SIK3: variants seen among roughly 807,000 people sequenced by gnomAD.
The protein encoded by SIK3 is serine/threonine-protein kinase SIK3.
SIK3 carries 28 observed loss-of-function variants against 144.2 expected under a neutral mutation model. That is an observed-to-expected ratio of 0.19 (90% CI 0.14 to 0.27). The LOEUF (loss-of-function observed/expected upper bound fraction) is 0.27, where lower values mean the gene tolerates loss of function less well. Among genes scored for constraint, SIK3 ranks in the 10% least tolerant of loss-of-function variants. The probability of loss-of-function intolerance (pLI) is 1.00; values close to 1 mark genes in which losing one functional copy is unlikely to be tolerated. For missense variants in SIK3, 1,319 were observed against 1,776.0 expected, an observed-to-expected ratio of 0.74 and a Z score of 4.62; for synonymous variants, 686 against 676.3, an observed-to-expected ratio of 1.01 and a Z score of -0.22.
At chr11:116,950,145 C>T in intron 3 of SIK3, 1 of 470,902 alleles carries the variant, frequency 2.1e-6, no homozygotes, top group South Asian at 1.5e-5. Flanking sequence ...GATCAAGTTC[C>T]ACAAGTGGGG....
At chr11:116,864,774 G>C (rs1943542654) in intron 15 of SIK3, 1 of 152,264 alleles carries the variant, frequency 6.6e-6, no homozygotes, top group Admixed American at 6.5e-5. Context: ...CTGAACTTTG[G>C]ATGAAATGAT....
chr11:116,953,546 G>A (rs903327851), intron 3 of SIK3, among the ~76,000 whole-genome samples: 11 of 152,202 alleles, frequency 7.2e-5, no homozygotes, highest in African/African-American at 2.7e-4. Flanking sequence ...ACTGAAGGCA[G>A]AACCCCCAAA....
At chr11:116,885,191 G>A (rs1249312891) in intron 6 of SIK3, among the ~76,000 whole-genome samples, 3 of 152,200 alleles carry the variant, frequency 2.0e-5, no homozygotes, top group Admixed American at 2.0e-4. Context: ...GCCATAGGGA[G>A]ATGGCCTGGA....
At chr11:117,071,436 T>C (rs1237384696) in intron 1 of SIK3, among the ~76,000 whole-genome samples, 2 of 151,798 alleles carry the variant, frequency 1.3e-5, no homozygotes, top group Admixed American at 6.6e-5. Context: ...TAAGTAACAC[T>C]AGGATAAACT....
intron 1 of SIK3, among the ~76,000 whole-genome samples, chr11:117,092,460 GC>G (rs759814994): frequency 4.0e-5 from 6 of 151,886 alleles, no homozygotes; most frequent in Admixed American, 1.3e-4. Flanking sequence ...TGAGGCAGCA[GC>G]CCCCCCCAGG....
intron 1 of SIK3, among the ~76,000 whole-genome samples, chr11:117,013,061 G>A (rs61905706): frequency 1.3e-5 from 2 of 151,638 alleles, no homozygotes; most frequent in Non-Finnish European, 1.5e-5. Context: ...ACCTACAGAA[G>A]AGCCCTTAAA....
intron 6 of SIK3, among the ~76,000 whole-genome samples, chr11:116,879,740 A>G (rs1944453437): frequency 6.6e-6 from 1 of 152,234 alleles, no homozygotes; most frequent in East Asian, 1.9e-4. Context: ...TTAAAACTAT[A>G]TTCAAATGCA....
At chr11:116,936,716 C>T (rs1224144268) in intron 3 of SIK3, among the ~76,000 whole-genome samples, 1 of 152,212 alleles carries the variant, frequency 6.6e-6, no homozygotes, top group Non-Finnish European at 1.5e-5. Flanking sequence ...TACATTGTTA[C>T]CAGTTATTCT....
At chr11:116,915,853 A>T (rs545775024) in intron 4 of SIK3, among the ~76,000 whole-genome samples, 1 of 152,332 alleles carries the variant, frequency 6.6e-6, no homozygotes, top group African/African-American at 2.4e-5. Context: ...TAATAGATGT[A>T]AACTTAATAA....
chr11:117,040,657 A>G (rs1415688239), intron 1 of SIK3, among the ~76,000 whole-genome samples: 1 of 152,228 alleles, frequency 6.6e-6, no homozygotes, highest in Non-Finnish European at 1.5e-5. Context: ...TTCCACATAC[A>G]GAATATAATC....
chr11:117,023,048 T>C (rs1951841329), intron 1 of SIK3, among the ~76,000 whole-genome samples: 1 of 152,190 alleles, frequency 6.6e-6, no homozygotes, highest in Admixed American at 6.5e-5. Flanking sequence ...CATTGGCAGA[T>C]TGTAGAAAAC....
intron 1 of SIK3, among the ~76,000 whole-genome samples, chr11:117,057,942 C>T (rs899976984): frequency 3.3e-5 from 5 of 152,140 alleles, no homozygotes; most frequent in African/African-American, 9.7e-5. Context: ...ATTGTTGTTA[C>T]CATCATTACT....
At chr11:116,959,288 G>A (rs1176830562) in intron 1 of SIK3, among the ~76,000 whole-genome samples, 1 of 152,096 alleles carries the variant, frequency 6.6e-6, no homozygotes, top group Admixed American at 6.6e-5. Context: ...AGCTATGATC[G>A]TGCCAGCAAC....
chr11:117,045,720 A>C (rs896267601), intron 1 of SIK3, among the ~76,000 whole-genome samples: 1 of 152,228 alleles, frequency 6.6e-6, no homozygotes, highest in Non-Finnish European at 1.5e-5. Flanking sequence ...AGACTGTCCT[A>C]ATCACACTTA....
chr11:117,013,915 G>GGGGGGGGGGGGGGGGGGGT (rs1206309055), intron 1 of SIK3, among the ~76,000 whole-genome samples: 1 of 23,618 alleles, frequency 4.2e-5, no homozygotes, highest in South Asian at 1.7e-3. Flanking sequence ...GGGGGGGGAG[G>GGGGGGGGGGGGGGGGGGGT]GTGTGTGTGT....
intron 16 of SIK3, 77 bp downstream of exon 16, chr11:116,863,591 T>C: frequency 6.3e-7 from 1 of 1,593,664 alleles, no homozygotes; most frequent in South Asian, 1.1e-5. Flanking sequence ...GGGGTACGTT[T>C]ACCACCCCAG....
intron 1 of SIK3, among the ~76,000 whole-genome samples, chr11:117,051,081 G>A (rs1293948249): frequency 6.6e-6 from 1 of 152,212 alleles, no homozygotes; most frequent in East Asian, 1.9e-4. Context: ...ACCAATGAGG[G>A]TGGGCGTCAT....
chr11:117,008,075 C>CAAAA (rs59486431), intron 1 of SIK3, among the ~76,000 whole-genome samples: 37 of 54,664 alleles, frequency 6.8e-4, no homozygotes, highest in African/African-American at 1.5e-3. Flanking sequence ...GACTCCATCT[C>CAAAA]AAAAAAAAAA....
intron 1 of SIK3, among the ~76,000 whole-genome samples, chr11:117,090,525 G>A (rs764162682): frequency 1.3e-5 from 2 of 152,162 alleles, no homozygotes; most frequent in African/African-American, 2.4e-5. Flanking sequence ...TAGTCATTTA[G>A]TAAGTGAGGA....
Sources: gnomAD v4.1 joint callset for allele counts (sites outside exome capture counted in the v4.1 genomes callset) on GRCh38, gnomAD v4.1.1 for gene constraint, MANE v1.5 for transcripts, NCBI Gene and HGNC (gene_info 2026-07-23, HGNC 2026-07-21) for gene names.